The following DMRT1 variants were observed in gnomAD, a reference collection of about 807,000 sequenced individuals.
DMRT1 encodes the protein doublesex- and mab-3-related transcription factor 1.
Under a neutral mutation model 32.3 loss-of-function variants are expected in DMRT1, and 7 were observed. That is an observed-to-expected ratio of 0.22 (90% CI 0.12 to 0.41). The LOEUF (loss-of-function observed/expected upper bound fraction) is 0.41, where lower values mean the gene tolerates loss of function less well. DMRT1 is among the 10% of genes least tolerant of loss of function. The pLI, the probability that DMRT1 is intolerant of heterozygous loss-of-function variation, is 1.00. For missense variants in DMRT1, 625 were observed against 500.5 expected (o/e 1.25, Z -2.37); for synonymous variants, 278 against 206.1 (o/e 1.35, Z -2.99).
At chr9:884,939 C>T (rs1026848163) in intron 2 of DMRT1, among the ~76,000 whole-genome samples, 6 of 152,216 alleles carry the variant, frequency 3.9e-5, no homozygotes. Flanking sequence ...CACTACACTC[C>T]AGCCTGGGCA....
At chr9:889,904 C>T (rs187526291) in intron 2 of DMRT1, among the ~76,000 whole-genome samples, 1 of 152,184 alleles carries the variant, frequency 6.6e-6, no homozygotes, top group East Asian at 1.9e-4. Context: ...TAGGAATGAA[C>T]CATTAATGTT....
At chr9:847,782 G>C (rs1366677433) in intron 2 of DMRT1, among the ~76,000 whole-genome samples, 1 of 152,186 alleles carries the variant, frequency 6.6e-6, no homozygotes, top group African/African-American at 2.4e-5. Context: ...AATTACACAG[G>C]TCTGGAGCTG....
chr9:937,710 G>A lies in DMRT1; in HGVS notation c.967+20803G>A, dbSNP rs146993600. 2.9e-3 allele frequency among the ~76,000 whole-genome samples: 434 copies of A among 152,124 alleles called. 3 individuals are homozygous for A. Among genetic ancestry groups the A allele is most frequent in the Middle Eastern group, 0.024 (7 of 294 alleles). The stretch of plus-strand genomic sequence containing the variant: ...AAATTGGGTTGTTTGGTTTTTTGTC[G>A]TTGTTGTAGGAGTTCTTTATTATGT... On this transcript the variant is annotated intron_variant, in intron 4 of 4. Coordinates refer to ENST00000382276, the MANE Select transcript of DMRT1 (RefSeq NM_021951.3).
At chr9:849,498 A>C (rs1027328446) in intron 2 of DMRT1, among the ~76,000 whole-genome samples, 1 of 152,202 alleles carries the variant, frequency 6.6e-6, no homozygotes, top group Non-Finnish European at 1.5e-5. Flanking sequence ...AAACCCTAAG[A>C]TAGTGGAGCT....
At chr9:894,239 C>G (rs138100552) in intron 3 of DMRT1, 44 bp downstream of exon 3, 22 of 1,599,830 alleles carry the variant, frequency 1.4e-5, no homozygotes, top group Non-Finnish European at 1.9e-5. Context: ...TGTGTGAAAG[C>G]CACATGCATG....
At chr9:911,106 C>T (rs1248041781) in intron 3 of DMRT1, among the ~76,000 whole-genome samples, 4 of 152,118 alleles carry the variant, frequency 2.6e-5, no homozygotes, top group Non-Finnish European at 4.4e-5. Context: ...AGCTTCTCAC[C>T]TTGGCGCTGT....
intron 4 of DMRT1, among the ~76,000 whole-genome samples, chr9:938,231 T>G (rs1417394684): frequency 6.6e-6 from 1 of 152,178 alleles, no homozygotes; most frequent in Non-Finnish European, 1.5e-5. Context: ...TTGTTCTTTC[T>G]TTTCAGGTTA....
intron 4 of DMRT1, among the ~76,000 whole-genome samples, chr9:960,528 C>T (rs555344860): frequency 6.6e-6 from 1 of 152,344 alleles, no homozygotes; most frequent in East Asian, 1.9e-4. Context: ...CCTTGATCCT[C>T]AATGCAACTT....
chr9:916,658 C>G (rs1017501979), intron 3 of DMRT1, 105 bp from the exon 4 acceptor site: 6 of 1,399,044 alleles, frequency 4.3e-6, no homozygotes, highest in Non-Finnish European at 6.0e-6. Flanking sequence ...AGGCATGAGC[C>G]ACTGTGCCCA....
intron 1 of DMRT1, among the ~76,000 whole-genome samples, chr9:844,809 C>T (rs534779919): frequency 1.3e-5 from 2 of 151,432 alleles, no homozygotes; most frequent in Admixed American, 6.6e-5. Flanking sequence ...CAACCTCCGC[C>T]TCCTGGGTTC....
At chr9:856,143 C>G (rs1474383495) in intron 2 of DMRT1, among the ~76,000 whole-genome samples, 1 of 152,082 alleles carries the variant, frequency 6.6e-6, no homozygotes, top group East Asian at 1.9e-4. Context: ...TCTCGAATTC[C>G]TGACCTCAAG....
intron 2 of DMRT1, among the ~76,000 whole-genome samples, chr9:874,115 G>C (rs1246244096): frequency 6.6e-6 from 1 of 152,214 alleles, no homozygotes; most frequent in African/African-American, 2.4e-5. Flanking sequence ...TGCTCTCTCA[G>C]CTTTGAATAG....
intron 3 of DMRT1, among the ~76,000 whole-genome samples, chr9:896,878 G>C (rs1010220500): frequency 3.9e-5 from 6 of 152,030 alleles, no homozygotes; most frequent in African/African-American, 1.4e-4. Flanking sequence ...ATTTTCCTCT[G>C]ACCCATTCTG....
rs559178795 is a variant in DMRT1 at position 959,960 on chromosome 9, C to T, written c.968-8025C>T. ...CACTCATGCATCCATTATTAAACACCCACTATGTGCTCTGCACTGTGCTGG... is the reference window on the plus strand; with the variant it reads ...CACTCATGCATCCATTATTAAACACTCACTATGTGCTCTGCACTGTGCTGG... On this transcript the variant is annotated intron_variant, in intron 4 of 4. Coordinates refer to ENST00000382276, the MANE Select transcript of DMRT1 (RefSeq NM_021951.3). 2.0e-3 allele frequency among the ~76,000 whole-genome samples: 312 copies of T among 152,334 alleles called. 2 individuals are homozygous for T. The highest frequency in any genetic ancestry group is 7.1e-3 in the African/African-American group (296 of 41,574).
intron 4 of DMRT1, among the ~76,000 whole-genome samples, chr9:932,106 C>T (rs1189345721): frequency 6.6e-6 from 1 of 152,180 alleles, no homozygotes; most frequent in Non-Finnish European, 1.5e-5. Flanking sequence ...TCACTCACAC[C>T]CCACTCACGG....
chr9:864,014 A>C (rs1271550891), intron 2 of DMRT1, among the ~76,000 whole-genome samples: 3 of 152,052 alleles, frequency 2.0e-5, no homozygotes, highest in Non-Finnish European at 4.4e-5. Context: ...GGCGGGGGAC[A>C]GACTGCGGGG....
chr9:849,863 G>T (rs1194337233), intron 2 of DMRT1, among the ~76,000 whole-genome samples: 1 of 151,392 alleles, frequency 6.6e-6, no homozygotes, highest in African/African-American at 2.4e-5. Context: ...TGCTCTTGTT[G>T]CCCAGGGTGG....
intron 2 of DMRT1, among the ~76,000 whole-genome samples, chr9:867,443 G>C (rs577835910): frequency 6.6e-6 from 1 of 152,204 alleles, no homozygotes; most frequent in Admixed American, 6.5e-5. Context: ...GTTTTCATAG[G>C]TGGTAGTAAT....
At chr9:961,408 A>G (rs1412690308) in intron 4 of DMRT1, among the ~76,000 whole-genome samples, 2 of 152,170 alleles carry the variant, frequency 1.3e-5, no homozygotes, top group Non-Finnish European at 2.9e-5. Context: ...TTTAGGACAA[A>G]CTTAGGCTCA....
Sources: gnomAD v4.1 joint callset for allele counts (sites outside exome capture counted in the v4.1 genomes callset) on GRCh38, gnomAD v4.1.1 for gene constraint, MANE v1.5 for transcripts, NCBI Gene and HGNC (gene_info 2026-07-23, HGNC 2026-07-21) for gene names.